The following ARHGAP10 variants were observed in gnomAD, a reference collection of about 807,000 sequenced individuals.
The protein encoded by ARHGAP10 is rho GTPase-activating protein 10.
In ARHGAP10, 87 loss-of-function variants were observed where a neutral mutation model predicts 108.6. That is an observed-to-expected ratio of 0.80 (90% CI 0.67 to 0.96). The LOEUF is 0.96. ARHGAP10 is among the 40% of genes least tolerant of loss of function. The pLI, the probability that ARHGAP10 is intolerant of heterozygous loss-of-function variation, is 0.00. For missense variants in ARHGAP10, 939 were observed against 954.5 expected, an observed-to-expected ratio of 0.98 and a Z score of 0.21; for synonymous variants, 347 against 341.1, an observed-to-expected ratio of 1.02 and a Z score of -0.19.
Position 147,832,619 on chromosome 4 carries a change from C to T in ARHGAP10, c.312+9662C>T, listed in dbSNP as rs932254661. Among the ~76,000 whole-genome samples the T allele has an allele frequency of 3.5e-5, 4 of 113,934 alleles. No individual in the cohort carries two copies. In the East Asian group the frequency reaches 1.1e-3, roughly 31 times the overall value. The allele number at this position is 113,934 out of a possible 152,430, so 74.7% of individuals were successfully genotyped here. On this transcript the variant is annotated intron_variant, in intron 3 of 22. Transcript: ENST00000336498. ...CTGAAATCGTGCCACTGCACTCCAG[C>T]CTGGGTAACAGAGCAAGACTCTGTC...
intron 1 of ARHGAP10, among the ~76,000 whole-genome samples, chr4:147,802,981 C>G (rs1240968733): frequency 6.6e-6 from 1 of 151,742 alleles, no homozygotes; most frequent in Non-Finnish European, 1.5e-5. Flanking sequence ...TTATCAACCT[C>G]TCTCCACTTT....
intron 19 of ARHGAP10, among the ~76,000 whole-genome samples, chr4:148,041,670 C>T (rs1056881327): frequency 6.6e-6 from 1 of 152,180 alleles, no homozygotes; most frequent in African/African-American, 2.4e-5. Context: ...TTTAGTCTGT[C>T]CTGAAAATAA....
intron 1 of ARHGAP10, chr4:147,809,177 C>A (rs1277051749): frequency 6.6e-6 from 1 of 152,294 alleles, no homozygotes; most frequent in Non-Finnish European, 1.5e-5. Flanking sequence ...CCACAGCACT[C>A]CAGCCTGGGC....
chr4:147,762,349 A>G (rs17023770), intron 1 of ARHGAP10, among the ~76,000 whole-genome samples: 13,857 of 151,852 alleles, frequency 0.091, 968 homozygotes, highest in African/African-American at 0.19. Flanking sequence ...GCCACAAATT[A>G]ATGTTATTTC....
At chr4:147,977,575 A>G (rs1025606789) in intron 18 of ARHGAP10, among the ~76,000 whole-genome samples, 2 of 152,212 alleles carry the variant, frequency 1.3e-5, no homozygotes, top group Admixed American at 6.5e-5. Flanking sequence ...TTCCATAGAC[A>G]GTTTAGTATA....
rs1379731925 is a variant in ARHGAP10, at chr4:147,741,019, AC to A, written c.154+8565del. 2.0e-5 allele frequency among the ~76,000 whole-genome samples: 3 copies of A among 152,158 alleles called. No individual in the cohort carries two copies. The East Asian group carries it at 5.8e-4, about 29-fold the overall frequency. On this transcript the variant is annotated intron_variant, in intron 1 of 22. Coordinates refer to ENST00000336498, the MANE Select transcript of ARHGAP10 (RefSeq NM_024605.4). ...ACTTTATATAATGGTTTCATCCTAT[AC>A]TTTTTTCCCTCTGAATATATTTGTG...
chr4:147,893,313 C>T (rs955797438), intron 10 of ARHGAP10, among the ~76,000 whole-genome samples: 1 of 151,918 alleles, frequency 6.6e-6, no homozygotes, highest in African/African-American at 2.4e-5. Flanking sequence ...CTGCCTCAGC[C>T]TCCCAAAGTG....
intron 13 of ARHGAP10, among the ~76,000 whole-genome samples, chr4:147,935,204 A>T (rs990450057): frequency 3.9e-5 from 6 of 152,100 alleles, no homozygotes; most frequent in Admixed American, 2.6e-4. Flanking sequence ...TAGGAAGATG[A>T]GGTGAGGCCC....
intron 3 of ARHGAP10, among the ~76,000 whole-genome samples, chr4:147,823,331 A>T (rs562872433): frequency 1.9e-3 from 296 of 152,358 alleles, no homozygotes; most frequent in African/African-American, 7.0e-3. Context: ...AACAGAGGAC[A>T]GCTGGGCAAT....
intron 10 of ARHGAP10, among the ~76,000 whole-genome samples, chr4:147,895,056 A>G (rs1448157431): frequency 6.6e-6 from 1 of 152,158 alleles, no homozygotes; most frequent in Non-Finnish European, 1.5e-5. Flanking sequence ...ATAGGTCAAT[A>G]TTGTGAATAT....
At chr4:147,958,413 T>C (rs559822511) in intron 16 of ARHGAP10, among the ~76,000 whole-genome samples, 1 of 152,332 alleles carries the variant, frequency 6.6e-6, no homozygotes, top group South Asian at 2.1e-4. Context: ...GGAAGCAAAA[T>C]GATTACCACA....
At chr4:147,952,433 T>G (rs1446551455) in intron 15 of ARHGAP10, among the ~76,000 whole-genome samples, 1 of 152,216 alleles carries the variant, frequency 6.6e-6, no homozygotes, top group African/African-American at 2.4e-5. Flanking sequence ...CTGGTCAATC[T>G]TTTTCATTTT....
intron 22 of ARHGAP10, among the ~76,000 whole-genome samples, chr4:148,070,848 G>A (rs1286777763): frequency 6.6e-6 from 1 of 152,172 alleles, no homozygotes; most frequent in Non-Finnish European, 1.5e-5. Flanking sequence ...ATGGTTGGGG[G>A]TTTGAGCTGG....
intron 18 of ARHGAP10, among the ~76,000 whole-genome samples, chr4:148,011,634 A>G (rs769342479): frequency 6.6e-5 from 10 of 152,238 alleles, no homozygotes; most frequent in Non-Finnish European, 1.5e-4. Context: ...GAGCCTGTGC[A>G]GATTTGGGAA....
In ARHGAP10 at chr4:147,909,722, C is replaced by CTT. The variant is rs1340838617; in HGVS notation, c.1117-7_1117-6dup. 6.2e-7 allele frequency: 1 copy of CTT among 1,608,572 alleles called. No homozygotes were observed. Among genetic ancestry groups the CTT allele is most frequent in the Non-Finnish European group, 8.5e-7 (1 of 1,175,688 alleles). On this transcript the variant is annotated splice_polypyrimidine_tract_variant and intron_variant, in intron 11 of 22. Transcript: ENST00000336498. ...TTAAAAAATTCTGTTTTTCCATTCT[C>CTT]TTTTATTAGCTGTCCCATAGTTTTA...
At chr4:147,916,241 T>C (rs144437569) in intron 13 of ARHGAP10, among the ~76,000 whole-genome samples, 1 of 152,394 alleles carries the variant, frequency 6.6e-6, no homozygotes, top group African/African-American at 2.4e-5. Flanking sequence ...ATGGTTCGGT[T>C]AAAGCCATTA....
At chr4:148,009,691 G>A (rs17024280) in intron 18 of ARHGAP10, among the ~76,000 whole-genome samples, 15,566 of 152,150 alleles carry the variant, frequency 0.1, 1,211 homozygotes, top group African/African-American at 0.22. Flanking sequence ...GATGGTCACC[G>A]TTTTTTAAGT....
At chr4:147,777,385 A>G (rs1037973810) in intron 1 of ARHGAP10, among the ~76,000 whole-genome samples, 1 of 151,542 alleles carries the variant, frequency 6.6e-6, no homozygotes, top group African/African-American at 2.4e-5. Flanking sequence ...CAGCCTCCCT[A>G]GTAGCTGGGA....
intron 1 of ARHGAP10, among the ~76,000 whole-genome samples, chr4:147,784,028 A>G (rs1054777453): frequency 3.4e-4 from 44 of 130,616 alleles, no homozygotes; most frequent in African/African-American, 1.2e-3. Flanking sequence ...ATTATATAAC[A>G]CACATTAAAT....
Sources: gnomAD v4.1 joint callset for allele counts (sites outside exome capture counted in the v4.1 genomes callset) on GRCh38, gnomAD v4.1.1 for gene constraint, MANE v1.5 for transcripts, NCBI Gene and HGNC (gene_info 2026-07-23, HGNC 2026-07-21) for gene names.